Variants in CDH4 observed in about 807,000 individuals in gnomAD.
CDH4 encodes the protein cadherin 4.
CDH4 carries 33 observed loss-of-function variants against 86.0 expected under a neutral mutation model. The observed-to-expected ratio is 0.38, with a 90% CI of 0.29 to 0.51. The LOEUF (loss-of-function observed/expected upper bound fraction) is 0.51, where lower values mean the gene tolerates loss of function less well. Ranked by LOEUF, CDH4 falls within the 20% of genes least tolerant of loss-of-function variation. CDH4 has a pLI of 0.86. For synonymous variants in CDH4, 555 were observed against 549.4 expected (o/e 1.01, Z -0.14); for missense variants, 1,114 against 1,307.4 (o/e 0.85, Z 2.28).
intron 2 of CDH4, among the ~76,000 whole-genome samples, chr20:61,433,573 T>C (rs1216487612): frequency 6.6e-6 from 1 of 151,894 alleles, no homozygotes; most frequent in East Asian, 1.9e-4. Flanking sequence ...ATCACTGAAG[T>C]TGACTCTGAA....
At chr20:61,403,515 G>A (rs2085061787) in intron 2 of CDH4, among the ~76,000 whole-genome samples, 1 of 152,118 alleles carries the variant, frequency 6.6e-6, no homozygotes, top group Non-Finnish European at 1.5e-5. Context: ...CCACTTTGTG[G>A]GCCCTGTCTC....
chr20:61,746,802 T>TA (rs1568792835), intron 3 of CDH4, among the ~76,000 whole-genome samples: 4 of 152,238 alleles, frequency 2.6e-5, no homozygotes, highest in African/African-American at 9.6e-5. Context: ...GTTCCAGGCT[T>TA]CACAGTCCTG....
At chr20:61,490,906 G>A (rs1471355191) in intron 2 of CDH4, among the ~76,000 whole-genome samples, 1 of 152,152 alleles carries the variant, frequency 6.6e-6, no homozygotes, top group Admixed American at 6.5e-5. Flanking sequence ...GATAAGGATG[G>A]TTGAGTGTAC....
At chr20:61,559,032 T>C (rs2086197006) in intron 2 of CDH4, among the ~76,000 whole-genome samples, 1 of 152,190 alleles carries the variant, frequency 6.6e-6, no homozygotes, top group Non-Finnish European at 1.5e-5. Flanking sequence ...ACAAAAGCAC[T>C]GCTGGGCCGG....
intron 2 of CDH4, among the ~76,000 whole-genome samples, chr20:61,380,472 A>T (rs2084893656): frequency 6.6e-6 from 1 of 152,060 alleles, no homozygotes; most frequent in African/African-American, 2.4e-5. Context: ...AACTCTGATA[A>T]TTCACAGGCT....
At chr20:61,794,276 T>C (rs180773387) in intron 4 of CDH4, among the ~76,000 whole-genome samples, 2 of 151,322 alleles carry the variant, frequency 1.3e-5, no homozygotes, top group East Asian at 3.9e-4. Context: ...AGACACAGGG[T>C]GGGGCAGGGA....
At chr20:61,673,203 C>T (rs2087409328) in intron 2 of CDH4, among the ~76,000 whole-genome samples, 1 of 152,162 alleles carries the variant, frequency 6.6e-6, no homozygotes, top group Non-Finnish European at 1.5e-5. Context: ...ACAGTGACCT[C>T]TAGAGCGCTG....
intron 6 of CDH4, among the ~76,000 whole-genome samples, chr20:61,873,103 A>C (rs1276305251): frequency 6.6e-6 from 1 of 152,244 alleles, no homozygotes; most frequent in Non-Finnish European, 1.5e-5. Context: ...GAGAGAGCAC[A>C]TGGGCAGCTC....
At chr20:61,927,343 T>C (rs1168098690) in intron 11 of CDH4, among the ~76,000 whole-genome samples, 2 of 144,934 alleles carry the variant, frequency 1.4e-5, no homozygotes, top group African/African-American at 2.5e-5. Flanking sequence ...GGACTGAGCA[T>C]GTGAAGACCC....
intron 2 of CDH4, among the ~76,000 whole-genome samples, chr20:61,401,025 C>T (rs1276918381): frequency 6.6e-6 from 1 of 152,216 alleles, no homozygotes; most frequent in East Asian, 1.9e-4. Context: ...CACACCTGGC[C>T]CTCCAGACAA....
At chr20:61,284,743 A>G (rs1030731095) in intron 2 of CDH4, among the ~76,000 whole-genome samples, 6 of 152,236 alleles carry the variant, frequency 3.9e-5, no homozygotes, top group African/African-American at 1.4e-4. Flanking sequence ...CCCCAATGCA[A>G]TGTTTTTGAA....
chr20:61,812,599 T>C (rs1188200220), intron 4 of CDH4, among the ~76,000 whole-genome samples: 2 of 152,078 alleles, frequency 1.3e-5, no homozygotes, highest in African/African-American at 4.8e-5. Flanking sequence ...TCTTAAAATT[T>C]CATGAACACA....
intron 9 of CDH4, among the ~76,000 whole-genome samples, chr20:61,915,078 C>T (rs2054890018): frequency 6.6e-6 from 1 of 152,234 alleles, no homozygotes; most frequent in Non-Finnish European, 1.5e-5. Context: ...TCCTCACGCC[C>T]ACCAAGGAGG....
At chr20:61,438,010 G>A (rs541087640) in intron 2 of CDH4, among the ~76,000 whole-genome samples, 4 of 152,252 alleles carry the variant, frequency 2.6e-5, no homozygotes, top group African/African-American at 4.8e-5. Flanking sequence ...AGACAGCCGC[G>A]GACAGCACTT....
chr20:61,625,809 A>G lies in CDH4; in HGVS notation c.170-117754A>G, dbSNP rs141710461. On this transcript the variant is annotated intron_variant, in intron 2 of 15. Coordinates refer to ENST00000614565, the MANE Select transcript of CDH4 (RefSeq NM_001794.5). The stretch of plus-strand genomic sequence containing the variant: ...AGGGCAGTTATACCACATCATCTGT[A>G]CTTACCAGATAAGGATGCCAAGGCT... Among the ~76,000 whole-genome samples, 121 of 152,326 alleles carry G rather than the reference A, an allele frequency of 7.9e-4. 2 individuals are homozygous for G. The East Asian group carries it at 0.022, about 27-fold the overall frequency.
At chr20:61,449,512 C>T (rs2085369020) in intron 2 of CDH4, among the ~76,000 whole-genome samples, 1 of 152,102 alleles carries the variant, frequency 6.6e-6, no homozygotes, top group East Asian at 1.9e-4. Flanking sequence ...ACGTATAGTC[C>T]ATCTTGCTTA....
intron 2 of CDH4, among the ~76,000 whole-genome samples, chr20:61,508,186 G>A (rs11907678): frequency 6.6e-6 from 1 of 152,224 alleles, no homozygotes; most frequent in African/African-American, 2.4e-5. Context: ...AGACATTGCC[G>A]CCTCCTAAGA....
At chr20:61,465,091 C>T (rs907361313) in intron 2 of CDH4, among the ~76,000 whole-genome samples, 3 of 152,168 alleles carry the variant, frequency 2.0e-5, no homozygotes, top group African/African-American at 7.2e-5. Flanking sequence ...CCCAGGTGAC[C>T]GTCCACAGGG....
At chr20:61,832,958 A>G (rs1168855606) in intron 4 of CDH4, among the ~76,000 whole-genome samples, 1 of 152,168 alleles carries the variant, frequency 6.6e-6, no homozygotes, top group Admixed American at 6.5e-5. Flanking sequence ...TGGGGCTGCT[A>G]GGCTGATGGG....
Sources: gnomAD v4.1 joint callset for allele counts (sites outside exome capture counted in the v4.1 genomes callset) on GRCh38, gnomAD v4.1.1 for gene constraint, MANE v1.5 for transcripts, NCBI Gene and HGNC (gene_info 2026-07-23, HGNC 2026-07-21) for gene names.